The following TEAD4 variants were observed in gnomAD, a reference collection of about 807,000 sequenced individuals.
The protein encoded by TEAD4 is TEA domain transcription factor 4, also known as transcriptional enhancer factor TEF-3.
Under a neutral mutation model 52.4 loss-of-function variants are expected in TEAD4, and 36 were observed. That is an observed-to-expected ratio of 0.69 (90% CI 0.53 to 0.91). TEAD4 has a LOEUF of 0.91. TEAD4 is among the 40% of genes least tolerant of loss of function. The pLI is 0.00. For missense variants in TEAD4, 508 were observed against 583.9 expected (o/e 0.87, Z 1.34); for synonymous variants, 220 against 231.0 (o/e 0.95, Z 0.43).
chr12:2,974,166 TA>T (rs1392066459), intron 2 of TEAD4, among the ~76,000 whole-genome samples: 3 of 152,154 alleles, frequency 2.0e-5, no homozygotes, highest in Non-Finnish European at 2.9e-5. Context: ...CACGCCTGGC[TA>T]ATTTTTGTAT....
intron 9 of TEAD4, 147 bp downstream of exon 9, chr12:3,020,920 C>T (rs71583739): frequency 8.5e-6 from 7 of 821,680 alleles, no homozygotes; most frequent in Non-Finnish European, 1.2e-5. Flanking sequence ...TCCCCCCACT[C>T]CTCCTTTCCT....
intron 2 of TEAD4, among the ~76,000 whole-genome samples, chr12:2,969,188 A>T (rs1269711759): frequency 2.0e-5 from 3 of 152,194 alleles, no homozygotes; most frequent in Non-Finnish European, 4.4e-5. Flanking sequence ...TCAGGGGAAA[A>T]CATTCCACAG....
chr12:3,010,971 C>G (rs1469090967), intron 3 of TEAD4, 33 bp from the exon 4 acceptor site: 2 of 1,613,556 alleles, frequency 1.2e-6, no homozygotes, highest in East Asian at 4.5e-5. Flanking sequence ...TTTTGTCCTT[C>G]TCTCCACTGA....
chr12:2,977,904 G>C (rs1333133693), intron 2 of TEAD4, among the ~76,000 whole-genome samples: 1 of 152,204 alleles, frequency 6.6e-6, no homozygotes, highest in Non-Finnish European at 1.5e-5. Context: ...GGCAGGCCCT[G>C]GCCCTTCCGA....
At chr12:3,011,136 GC>G in intron 4 of TEAD4, 68 bp downstream of exon 4, 1 of 1,569,772 alleles carries the variant, frequency 6.4e-7, no homozygotes, top group Non-Finnish European at 8.8e-7. Context: ...CCCAAGGTGG[GC>G]CAGGCCCTCC....
chr12:2,980,424 A>G (rs1200901171), intron 2 of TEAD4, among the ~76,000 whole-genome samples: 1 of 151,988 alleles, frequency 6.6e-6, no homozygotes, highest in Non-Finnish European at 1.5e-5. Flanking sequence ...CCCCCTTCCT[A>G]TTGTCAACAG....
At chr12:2,971,459 TTTTTA>T (rs1002576062) in intron 2 of TEAD4, among the ~76,000 whole-genome samples, 27 of 152,036 alleles carry the variant, frequency 1.8e-4, no homozygotes, top group Admixed American at 3.3e-4. Context: ...TTTATTTTTA[TTTTTA>T]TTTTATTTTA....
chr12:3,034,034 T>A (rs1343958388), intron 10 of TEAD4, among the ~76,000 whole-genome samples: 4 of 151,344 alleles, frequency 2.6e-5, no homozygotes, highest in South Asian at 2.1e-4. Context: ...GATTGTGGGA[T>A]CTCTCTTTCT....
chr12:2,966,951 C>T (rs1171041515), intron 2 of TEAD4, among the ~76,000 whole-genome samples: 1 of 152,158 alleles, frequency 6.6e-6, no homozygotes, highest in Admixed American at 6.6e-5. Context: ...AGGCGATCCA[C>T]CTGCCTTGGC....
chr12:3,010,290 T>A (rs192031865), intron 3 of TEAD4, among the ~76,000 whole-genome samples: 2 of 152,350 alleles, frequency 1.3e-5, no homozygotes, highest in Admixed American at 1.3e-4. Context: ...ATCATCTTTT[T>A]CAATACTGGA....
At chr12:3,000,201 C>T (rs1401289752) in intron 3 of TEAD4, among the ~76,000 whole-genome samples, 1 of 152,152 alleles carries the variant, frequency 6.6e-6, no homozygotes, top group East Asian at 1.9e-4. Flanking sequence ...CGATATTAAC[C>T]AGATTTATCT....
intron 2 of TEAD4, among the ~76,000 whole-genome samples, chr12:2,970,755 C>T (rs1302069432): frequency 3.3e-5 from 5 of 152,200 alleles, no homozygotes; most frequent in Non-Finnish European, 5.9e-5. Context: ...TCCCATCCCT[C>T]GGCAGGTGCA....
chr12:2,994,890 G>C lies in TEAD4; in HGVS notation c.124G>C (p.Val42Leu). 1.9e-6 allele frequency: 3 copies of C among 1,614,198 alleles called. No individual in the cohort carries two copies. Among genetic ancestry groups the C allele is most frequent in the South Asian group, 1.1e-5 (1 of 91,090 alleles). Reference sequence around the variant, plus strand: ...GCCCATCGACAATGACGCAGAGGGCGTGTGGAGCCCGGATATTGAGCAGAG... The same window carrying C: ...GCCCATCGACAATGACGCAGAGGGCCTGTGGAGCCCGGATATTGAGCAGAG... Residue 42 changes from valine (V) to leucine (L), a missense_variant, in exon 3 of 13, where the codon GTG (valine) becomes CTG (leucine). Coordinates refer to ENST00000359864, the MANE Select transcript of TEAD4 (RefSeq NM_003213.4). This position sits in a 1 kb window ranked among gnomAD's most constrained non-coding sequence, Gnocchi z 4.7.
At chr12:2,963,242 CG>C (rs1420728202) in intron 2 of TEAD4, among the ~76,000 whole-genome samples, 1 of 152,198 alleles carries the variant, frequency 6.6e-6, no homozygotes, top group Admixed American at 6.6e-5. Flanking sequence ...AGTCTTGCCC[CG>C]GTGACTGTCA....
intron 2 of TEAD4, 182 bp downstream of exon 2, chr12:2,960,222 T>G: frequency 5.4e-6 from 5 of 923,958 alleles, no homozygotes; most frequent in Non-Finnish European, 6.5e-6. Context: ...ACTCGGGACT[T>G]TGGGGGAAAG....
intron 2 of TEAD4, among the ~76,000 whole-genome samples, chr12:2,972,549 G>C (rs372468964): frequency 2.9e-4 from 40 of 138,340 alleles, no homozygotes; most frequent in African/African-American, 1.0e-3. Flanking sequence ...GCCCAGGCTG[G>C]AGTGCAATGG....
chr12:3,013,487 A>G (rs547653285), intron 5 of TEAD4, among the ~76,000 whole-genome samples: 2 of 152,208 alleles, frequency 1.3e-5, no homozygotes, highest in Admixed American at 1.3e-4. Context: ...GCCTGTAAGC[A>G]CTTTGGGAGG....
At chr12:2,985,576 G>C (rs1351385850) in intron 2 of TEAD4, among the ~76,000 whole-genome samples, 2 of 131,856 alleles carry the variant, frequency 1.5e-5, no homozygotes, top group Non-Finnish European at 3.1e-5. Flanking sequence ...CACGATCTCG[G>C]CTCACTGCAA....
At position 3,038,126 on chromosome 12, in the gene TEAD4, C is replaced by T. The variant is rs948920057; in HGVS notation, c.1038+18C>T. ...AAGTTGAGGTAGGAGGCCACCCTGG[C>T]GGGTGAGGGCCGGTGGCAGTGGTCT... On this transcript the variant is annotated intron_variant, in intron 11 of 12. Transcript: ENST00000359864. The T allele has an allele frequency of 1.6e-5, 25 of 1,606,044 alleles. No homozygotes were observed. Among genetic ancestry groups the T allele is most frequent in the East Asian group, 2.2e-5 (1 of 44,612 alleles).
Sources: gnomAD v4.1 joint callset for allele counts (sites outside exome capture counted in the v4.1 genomes callset) on GRCh38, gnomAD v4.1.1 for gene constraint, Gnocchi (gnomAD v3.1) non-coding constraint, MANE v1.5 for transcripts, NCBI Gene and HGNC (gene_info 2026-07-23, HGNC 2026-07-21) for gene names.